Variants in FAAH2 observed in about 807,000 individuals in gnomAD.
FAAH2 encodes the protein fatty acid amide hydrolase 2.
FAAH2 carries 60 observed loss-of-function variants against 36.9 expected under a neutral mutation model. That is an observed-to-expected ratio of 1.63 (90% confidence interval 1.32 to 2.02). FAAH2 has a LOEUF of 2.02. Ranked by LOEUF, FAAH2 falls within the 30% of genes most tolerant of loss-of-function variation. The probability of loss-of-function intolerance (pLI) is 0.00; values close to 1 mark genes in which losing one functional copy is unlikely to be tolerated. For synonymous variants in FAAH2, 214 were observed against 143.8 expected, an observed-to-expected ratio of 1.49 and a Z score of -3.49; for missense variants, 689 against 397.5, an observed-to-expected ratio of 1.73 and a Z score of -6.23.
intron 7 of FAAH2, chrX:57,394,270 C>A: frequency 1.2e-6 from 1 of 847,157 alleles, no homozygotes. Flanking sequence ...CTTGCACCAG[C>A]CCGATTGTAG....
the FAAH2 span, among the ~76,000 whole-genome samples, chrX:57,233,565 C>G: frequency 1.8e-5 from 2 of 111,665 alleles, no homozygotes; most frequent in Non-Finnish European, 3.8e-5. Flanking sequence ...GAGGACTTTT[C>G]CTTCCAATTC....
chrX:57,397,401 G>A (rs2055330746), intron 7 of FAAH2, among the ~76,000 whole-genome samples: 1 of 112,023 alleles, frequency 8.9e-6, no homozygotes, highest in African/African-American at 3.2e-5. Flanking sequence ...CTTTTATGAT[G>A]TCAGTGTCAT....
the FAAH2 span, among the ~76,000 whole-genome samples, chrX:57,233,638 GT>G: frequency 9.0e-6 from 1 of 111,208 alleles, no homozygotes. Flanking sequence ...TTTTTGTTTT[GT>G]TTTCTTTTGT....
the FAAH2 span, among the ~76,000 whole-genome samples, chrX:57,140,765 G>A: frequency 9.0e-6 from 1 of 111,275 alleles, no homozygotes; most frequent in Non-Finnish European, 1.9e-5. Context: ...ACTTATAAAC[G>A]GGAGGCAAAA....
At chrX:57,183,140 A>G in the FAAH2 span, among the ~76,000 whole-genome samples, 1 of 111,284 alleles carries the variant, frequency 9.0e-6, no homozygotes, top group Non-Finnish European at 1.9e-5. Flanking sequence ...TAATGAAGTA[A>G]GGTATACTAC....
intron 8 of FAAH2, among the ~76,000 whole-genome samples, chrX:57,440,759 A>G (rs1319718906): frequency 2.7e-5 from 3 of 111,455 alleles, no homozygotes; most frequent in Non-Finnish European, 5.6e-5. Flanking sequence ...AGTTCTTATT[A>G]TTTTGAGACA....
chrX:57,127,348 T>A, the FAAH2 span: 1 of 111,104 alleles, frequency 9.0e-6, no homozygotes, highest in East Asian at 2.8e-4. Flanking sequence ...TAAAAAGGCA[T>A]CATTCTAATT....
chrX:57,149,393 T>G, the FAAH2 span, among the ~76,000 whole-genome samples: 1 of 111,460 alleles, frequency 9.0e-6, no homozygotes, highest in Non-Finnish European at 1.9e-5. Context: ...GTCCTGGACT[T>G]TTTTTGGTTG....
the FAAH2 span, among the ~76,000 whole-genome samples, chrX:57,245,525 C>G: frequency 8.9e-6 from 1 of 112,192 alleles, no homozygotes; most frequent in Non-Finnish European, 1.9e-5. Context: ...TCATATCAAA[C>G]AGTCTCTCAG....
chrX:57,257,558 G>A, the FAAH2 span, among the ~76,000 whole-genome samples: 3 of 110,302 alleles, frequency 2.7e-5, no homozygotes, highest in Non-Finnish European at 5.7e-5. Context: ...TGGGGGTCTA[G>A]GGGAGGGATA....
the FAAH2 span, among the ~76,000 whole-genome samples, chrX:57,177,103 G>C: frequency 5.3e-4 from 59 of 111,366 alleles, no homozygotes; most frequent in African/African-American, 1.9e-3. Context: ...AACTGGCTGT[G>C]ACTAAAGCAG....
chrX:57,286,832 C>G lies in FAAH2; in HGVS notation c.7C>G (p.Pro3Ala). 1 of 1,180,807 alleles carries G rather than the reference C, an allele frequency of 8.5e-7. No homozygotes were observed. The highest frequency in any genetic ancestry group is 1.1e-6 in the Non-Finnish European group (1 of 878,649). Residue 3 changes from proline (P) to alanine (A), a missense_variant, in exon 1 of 11, where the codon CCT (proline) becomes GCT (alanine). Pro to Ala is a conservative substitution (Grantham distance 27). Transcript: ENST00000374900. ...GTGCGGAATCCAGGCTGCGATGGCACCTTCATTTACCGCCCGCATTCAGTT... is the reference window on the plus strand; with the variant it reads ...GTGCGGAATCCAGGCTGCGATGGCAGCTTCATTTACCGCCCGCATTCAGTT... MA[P>A]SFTARIQLFL...
chrX:57,479,244 G>A (rs914091298), intron 10 of FAAH2, among the ~76,000 whole-genome samples: 9 of 111,416 alleles, frequency 8.1e-5, no homozygotes, highest in Admixed American at 1.9e-4. Context: ...TATTCTCTTT[G>A]AAGCAATTGT....
At chrX:57,415,033 T>A (rs2055805173) in intron 7 of FAAH2, among the ~76,000 whole-genome samples, 1 of 110,494 alleles carries the variant, frequency 9.1e-6, no homozygotes, top group Admixed American at 9.7e-5. Context: ...TTTATAGTAT[T>A]CTCTGATGGT....
the FAAH2 span, among the ~76,000 whole-genome samples, chrX:57,199,327 AT>A: frequency 9.1e-6 from 1 of 109,545 alleles, no homozygotes; most frequent in African/African-American, 3.3e-5. Flanking sequence ...TTCCTTCTCA[AT>A]TTTTTTAGTA....
chrX:57,376,226 C>G (rs922637626), intron 5 of FAAH2, among the ~76,000 whole-genome samples: 3 of 110,774 alleles, frequency 2.7e-5, no homozygotes, highest in Non-Finnish European at 3.8e-5. Flanking sequence ...AGTCTTGTTA[C>G]GTGTTCATCG....
At chrX:57,438,473 G>T (rs948227173) in intron 8 of FAAH2, among the ~76,000 whole-genome samples, 2 of 109,473 alleles carry the variant, frequency 1.8e-5, no homozygotes, top group Non-Finnish European at 3.8e-5. Flanking sequence ...CATGCTATTG[G>T]ATTGGAAAAA....
At chrX:57,479,834 G>C (rs2057345874) in intron 10 of FAAH2, among the ~76,000 whole-genome samples, 1 of 110,880 alleles carries the variant, frequency 9.0e-6, no homozygotes, top group Non-Finnish European at 1.9e-5. Context: ...ACTTGATCAT[G>C]GTGGATAAGT....
intron 3 of FAAH2, among the ~76,000 whole-genome samples, chrX:57,317,875 C>T (rs2052891177): frequency 8.9e-6 from 1 of 111,801 alleles, no homozygotes; most frequent in Admixed American, 9.5e-5. Context: ...CTCAAAACGG[C>T]ACAACTACAT....
Sources: allele counts gnomAD v4.1 joint callset (sites outside exome capture counted in the v4.1 genomes callset), GRCh38; gene constraint gnomAD v4.1.1; transcripts MANE v1.5; gene names NCBI Gene and HGNC (gene_info 2026-07-23, HGNC 2026-07-21).